EPHA7: variants seen among roughly 807,000 people sequenced by gnomAD.
EPHA7 encodes the protein EPH receptor A7.
Under a neutral mutation model 112.6 loss-of-function variants are expected in EPHA7, and 25 were observed. The observed-to-expected ratio is 0.22, with a 90% confidence interval of 0.16 to 0.31. EPHA7 has a LOEUF of 0.31. EPHA7 is among the 10% of genes least tolerant of loss of function. EPHA7 has a pLI of 1.00. For missense variants in EPHA7, 962 were observed against 1,212.6 expected (o/e 0.79, Z 3.07); for synonymous variants, 437 against 406.5 (o/e 1.07, Z -0.90).
intron 14 of EPHA7, among the ~76,000 whole-genome samples, chr6:93,251,037 C>G (rs1770185444): frequency 6.6e-6 from 1 of 151,986 alleles, no homozygotes; most frequent in African/African-American, 2.4e-5. Context: ...TGTAATAACT[C>G]AAAATGGCAT....
intron 3 of EPHA7, among the ~76,000 whole-genome samples, chr6:93,384,586 C>T (rs148971138): frequency 3.3e-5 from 5 of 152,228 alleles, no homozygotes; most frequent in East Asian, 1.9e-4. Flanking sequence ...ATAAGAGCTG[C>T]GATTTCATAT....
At chr6:93,341,394 C>A (rs566650709) in intron 5 of EPHA7, among the ~76,000 whole-genome samples, 1 of 150,526 alleles carries the variant, frequency 6.6e-6, no homozygotes, top group African/African-American at 2.4e-5. Flanking sequence ...TTTGAGTGTG[C>A]GTGTGTGTGT....
intron 5 of EPHA7, among the ~76,000 whole-genome samples, chr6:93,307,397 T>C (rs1773310756): frequency 6.6e-6 from 1 of 152,112 alleles, no homozygotes; most frequent in Non-Finnish European, 1.5e-5. Flanking sequence ...ATAAGCCCTA[T>C]GCAGTGATTT....
intron 3 of EPHA7, among the ~76,000 whole-genome samples, chr6:93,398,751 C>T (rs940811531): frequency 6.6e-6 from 1 of 151,956 alleles, no homozygotes; most frequent in African/African-American, 2.4e-5. Flanking sequence ...TAGTAATTGT[C>T]TCATTGGAAA....
chr6:93,375,579 C>T (rs1216506775), intron 3 of EPHA7, among the ~76,000 whole-genome samples: 1 of 150,150 alleles, frequency 6.7e-6, no homozygotes, highest in Non-Finnish European at 1.5e-5. Context: ...GCAGAGAGAC[C>T]TTGACTCAAA....
chr6:93,325,036 T>C (rs995411743), intron 5 of EPHA7, among the ~76,000 whole-genome samples: 1 of 151,248 alleles, frequency 6.6e-6, no homozygotes, highest in Non-Finnish European at 1.5e-5. Flanking sequence ...GGTTATGTAG[T>C]ATAAAAAATG....
chr6:93,312,183 TCTC>T (rs1452685256), intron 5 of EPHA7, among the ~76,000 whole-genome samples: 2 of 152,166 alleles, frequency 1.3e-5, no homozygotes, highest in Non-Finnish European at 2.9e-5. Flanking sequence ...AGAGTCAGCC[TCTC>T]CTCTGAATCT....
chr6:93,378,556 A>T (rs7761181), intron 3 of EPHA7, among the ~76,000 whole-genome samples: 19,630 of 152,076 alleles, frequency 0.13, 1,349 homozygotes, highest in East Asian at 0.21. Context: ...CTCTACTCTT[A>T]TACTTTTCAC....
chr6:93,298,247 C>T (rs1000924570), intron 5 of EPHA7, among the ~76,000 whole-genome samples: 1 of 151,970 alleles, frequency 6.6e-6, no homozygotes, highest in South Asian at 2.1e-4. Flanking sequence ...TTAGTGGGAG[C>T]CGACAGTCAG....
chr6:93,334,731 T>C (rs746645690), intron 5 of EPHA7, among the ~76,000 whole-genome samples: 2 of 152,076 alleles, frequency 1.3e-5, no homozygotes, highest in Non-Finnish European at 1.5e-5. Flanking sequence ...GCATTATAAC[T>C]AGGCTATTCT....
intron 5 of EPHA7, among the ~76,000 whole-genome samples, chr6:93,305,741 G>T (rs1773223586): frequency 6.6e-6 from 1 of 151,884 alleles, no homozygotes; most frequent in Non-Finnish European, 1.5e-5. Flanking sequence ...TACGGGAATA[G>T]ATTTTTTTGT....
intron 14 of EPHA7, among the ~76,000 whole-genome samples, chr6:93,251,524 A>T (rs1562043840): frequency 6.6e-6 from 1 of 151,600 alleles, no homozygotes; most frequent in Non-Finnish European, 1.5e-5. Context: ...TAGGATACTA[A>T]TTTACTATAT....
chr6:93,317,596 G>T (rs1773874537), intron 5 of EPHA7, among the ~76,000 whole-genome samples: 1 of 152,144 alleles, frequency 6.6e-6, no homozygotes. Flanking sequence ...GTCTTAAGCT[G>T]CATTTAAACT....
chr6:93,397,370 T>C (rs183741288), intron 3 of EPHA7, among the ~76,000 whole-genome samples: 2 of 152,004 alleles, frequency 1.3e-5, no homozygotes, highest in African/African-American at 4.8e-5. Flanking sequence ...TCAAAATTCT[T>C]CTTCCAATAT....
chr6:93,358,871 C>A (rs1016662389), intron 3 of EPHA7, among the ~76,000 whole-genome samples: 30 of 152,048 alleles, frequency 2.0e-4, no homozygotes, highest in African/African-American at 7.2e-4. Flanking sequence ...ATTAATGTAA[C>A]TTTAATTACC....
chr6:93,254,602 A>G (rs933073116), intron 14 of EPHA7, 45 bp downstream of exon 14: 1 of 1,543,658 alleles, frequency 6.5e-7, no homozygotes, highest in Admixed American at 1.7e-5. Flanking sequence ...AATACTGGCC[A>G]TTAATGTATT....
intron 5 of EPHA7, among the ~76,000 whole-genome samples, chr6:93,345,353 T>G (rs570718802): frequency 6.6e-6 from 1 of 151,904 alleles, no homozygotes; most frequent in Non-Finnish European, 1.5e-5. Context: ...AATTAAGAAC[T>G]GCATGCTTTA....
intron 3 of EPHA7, among the ~76,000 whole-genome samples, chr6:93,396,909 GA>G (rs1382196815): frequency 6.6e-5 from 10 of 151,614 alleles, no homozygotes; most frequent in Non-Finnish European, 1.3e-4. Context: ...AGACTGTAGA[GA>G]AAAATATATG....
chr6:93,358,112 T>G (rs1235976948), intron 4 of EPHA7, 144 bp downstream of exon 4: 1 of 584,302 alleles, frequency 1.7e-6, no homozygotes, highest in Non-Finnish European at 2.4e-6. Flanking sequence ...GAAAGAAAAT[T>G]TTATCTTAAT....
Sources: gnomAD v4.1 joint callset for allele counts (sites outside exome capture counted in the v4.1 genomes callset) on GRCh38, gnomAD v4.1.1 for gene constraint, MANE v1.5 for transcripts, NCBI Gene and HGNC (gene_info 2026-07-23, HGNC 2026-07-21) for gene names.